The following FILIP1L variants were observed in gnomAD, a reference collection of about 807,000 sequenced individuals.
The protein encoded by FILIP1L is filamin A interacting protein 1 like.
A neutral mutation model predicts 96.6 loss-of-function variants in FILIP1L; 55 were observed. The ratio of observed to expected loss-of-function variants is 0.57; its 90% CI spans 0.46 to 0.71. FILIP1L has a LOEUF of 0.71. Ranked by LOEUF, FILIP1L falls within the 30% of genes least tolerant of loss-of-function variation. The pLI is 0.00. For synonymous variants in FILIP1L, 467 were observed against 473.9 expected (o/e 0.99, Z 0.19); for missense variants, 1,304 against 1,321.2 (o/e 0.99, Z 0.20).
intron 4 of FILIP1L, among the ~76,000 whole-genome samples, chr3:99,885,449 C>T (rs1705862557): frequency 6.6e-6 from 1 of 152,154 alleles, no homozygotes; most frequent in South Asian, 2.1e-4. Flanking sequence ...ATGACTAGCC[C>T]AATTACATTT....
At chr3:99,938,838 A>C (rs1707771419) in intron 1 of FILIP1L, among the ~76,000 whole-genome samples, 1 of 152,212 alleles carries the variant, frequency 6.6e-6, no homozygotes. Flanking sequence ...CTTTCAAAAA[A>C]AAAAAGTTTC....
At position 99,924,723 on chromosome 3, in the gene FILIP1L, C is replaced by T. The variant is rs557189593; in HGVS notation, c.427-315G>A. Among the ~76,000 whole-genome samples, 303 of 152,180 alleles carry T rather than the reference C, an allele frequency of 2.0e-3. 1 individual carries two copies. The highest frequency in any genetic ancestry group is 6.8e-3 in the African/African-American group (284 of 41,530). On this transcript the variant is annotated intron_variant, in intron 3 of 5. Coordinates refer to ENST00000477258, the MANE Select transcript of FILIP1L (RefSeq NM_001387850.1). Reference sequence around the variant, plus strand: ...TTTTAGTAGAGACAGGGTTTCTCCACGTTGGTCAGGCTGGTCTTGAACTCC... The same window carrying T: ...TTTTAGTAGAGACAGGGTTTCTCCATGTTGGTCAGGCTGGTCTTGAACTCC...
At chr3:100,098,702 T>A (rs1451108630) in intron 1 of FILIP1L, among the ~76,000 whole-genome samples, 1 of 152,192 alleles carries the variant, frequency 6.6e-6, no homozygotes, top group Non-Finnish European at 1.5e-5. Context: ...TAGCAGTGCC[T>A]TCTGAAGAAT....
At chr3:99,951,497 C>T (rs564491304) in intron 1 of FILIP1L, among the ~76,000 whole-genome samples, 1 of 152,142 alleles carries the variant, frequency 6.6e-6, no homozygotes, top group Non-Finnish European at 1.5e-5. Flanking sequence ...TTAGTCCAGT[C>T]TCCCTGGTAA....
intron 1 of FILIP1L, among the ~76,000 whole-genome samples, chr3:100,056,997 C>CT (rs2065476414): frequency 6.6e-6 from 1 of 151,806 alleles, no homozygotes; most frequent in Non-Finnish European, 1.5e-5. Flanking sequence ...GAGCGAGACT[C>CT]TGTCTCAAAA....
intron 5 of FILIP1L, among the ~76,000 whole-genome samples, chr3:99,832,560 A>AAC (rs201155810): frequency 8.3e-6 from 1 of 120,808 alleles, no homozygotes; most frequent in Non-Finnish European, 1.7e-5. Context: ...AAAAAAAAAA[A>AAC]GGCCTAGCGC....
At chr3:99,842,892 C>T (rs1015911544) in intron 5 of FILIP1L, among the ~76,000 whole-genome samples, 1 of 152,152 alleles carries the variant, frequency 6.6e-6, no homozygotes, top group African/African-American at 2.4e-5. Flanking sequence ...CCAGTTAACT[C>T]GCTAGACTCC....
At chr3:99,855,031 AGACT>A (rs1465340326) in intron 4 of FILIP1L, among the ~76,000 whole-genome samples, 1 of 152,208 alleles carries the variant, frequency 6.6e-6, no homozygotes, top group African/African-American at 2.4e-5. Context: ...GCTGGCCCTT[AGACT>A]GACTGTGGGT....
At chr3:100,000,325 A>G (rs1179756790) in intron 1 of FILIP1L, among the ~76,000 whole-genome samples, 5 of 152,216 alleles carry the variant, frequency 3.3e-5, no homozygotes, top group Non-Finnish European at 7.3e-5. Flanking sequence ...ACAACCTGAA[A>G]ATAACTTGTG....
chr3:100,090,528 C>A (rs9824430), intron 1 of FILIP1L, among the ~76,000 whole-genome samples: 1 of 152,038 alleles, frequency 6.6e-6, no homozygotes, highest in Non-Finnish European at 1.5e-5. Flanking sequence ...CTTGCCCAGG[C>A]CCTCCCAGTG....
intron 1 of FILIP1L, among the ~76,000 whole-genome samples, chr3:99,968,393 G>A (rs1708716879): frequency 6.6e-6 from 1 of 150,856 alleles, no homozygotes; most frequent in African/African-American, 2.4e-5. Context: ...TTGAATAGTA[G>A]TATGAAGTAG....
intron 1 of FILIP1L, among the ~76,000 whole-genome samples, chr3:100,001,289 T>C (rs1394668861): frequency 2.6e-5 from 4 of 152,252 alleles, no homozygotes; most frequent in Non-Finnish European, 4.4e-5. Context: ...AACATGGCTA[T>C]ACTCCTTCAT....
intron 4 of FILIP1L, among the ~76,000 whole-genome samples, chr3:99,889,251 G>C (rs1706007574): frequency 6.6e-6 from 1 of 151,952 alleles, no homozygotes; most frequent in African/African-American, 2.4e-5. Flanking sequence ...TGTGTTTCTG[G>C]CAATTCTTGC....
chr3:99,978,507 C>T (rs1014328072), intron 1 of FILIP1L, among the ~76,000 whole-genome samples: 33 of 152,202 alleles, frequency 2.2e-4, no homozygotes, highest in Admixed American at 8.5e-4. Flanking sequence ...GCCTGGAGGG[C>T]ATATTGTTAA....
rs372595024 is a variant in FILIP1L at position 99,848,312 on chromosome 3, G to A, written c.3364C>T (p.Arg1122Ter). 114 of 1,614,034 alleles carry A rather than the reference G, an allele frequency of 7.1e-5. No homozygotes were observed. The Middle Eastern group carries it at 1.3e-3, about 19-fold the overall frequency. The part of the protein sequence containing the change: ...TITPTATPLP[R>*]QSQITIKEVC... ...TTACTTACTGTAATTTGTGATTGTC[G>A]AGGAAGAGGTGTGGCTGTTGGTGTG... Residue 1122 changes from arginine (R) to a stop codon, truncating the protein, a stop_gained, in exon 5 of 6, where the codon CGA becomes TGA. Coordinates refer to ENST00000477258, the MANE Select transcript of FILIP1L (RefSeq NM_001387850.1). LOFTEE classifies it high-confidence loss of function.
At chr3:99,985,591 AAG>A (rs371062149) in intron 1 of FILIP1L, among the ~76,000 whole-genome samples, 36 of 151,150 alleles carry the variant, frequency 2.4e-4, no homozygotes, top group East Asian at 1.2e-3. Flanking sequence ...ATCATGAGAA[AAG>A]CTTTTTTTTT....
chr3:100,060,052 G>A (rs567052454), intron 1 of FILIP1L, among the ~76,000 whole-genome samples: 24 of 151,828 alleles, frequency 1.6e-4, no homozygotes, highest in Non-Finnish European at 3.2e-4. Context: ...GGGAAATGGG[G>A]GCGGGGGGAA....
chr3:99,964,744 G>A lies in FILIP1L; in HGVS notation c.-10-33714C>T, dbSNP rs147218551. Among the ~76,000 whole-genome samples the A allele has an allele frequency of 4.5e-3, 689 of 152,214 alleles. 7 individuals carry two copies. Among genetic ancestry groups the A allele is most frequent in the African/African-American group, 0.016 (673 of 41,534 alleles). Reference sequence around the variant, plus strand: ...ACAAAGGAGGCTTTGGAGGGCAGCCGAAGAAAGAGGTCCCCTAGGAGACTA... The same window carrying A: ...ACAAAGGAGGCTTTGGAGGGCAGCCAAAGAAAGAGGTCCCCTAGGAGACTA... On this transcript the variant is annotated intron_variant, in intron 1 of 5. Coordinates refer to ENST00000477258, the MANE Select transcript of FILIP1L (RefSeq NM_001387850.1).
At chr3:100,052,366 C>T (rs1402143601) in intron 1 of FILIP1L, among the ~76,000 whole-genome samples, 1 of 152,130 alleles carries the variant, frequency 6.6e-6, no homozygotes. Context: ...CACCAAAATT[C>T]CAGGGGGAAC....
Sources: gnomAD v4.1 joint callset for allele counts (sites outside exome capture counted in the v4.1 genomes callset) on GRCh38, gnomAD v4.1.1 for gene constraint, MANE v1.5 for transcripts, NCBI Gene and HGNC (gene_info 2026-07-23, HGNC 2026-07-21) for gene names.